Variants in SORCS3 observed in about 807,000 individuals in gnomAD.
SORCS3 encodes the protein sortilin related VPS10 domain containing receptor 3, also known as VPS10 domain-containing receptor SorCS3.
A neutral mutation model predicts 146.3 loss-of-function variants in SORCS3; 57 were observed. The observed-to-expected ratio is 0.39, with a 90% CI of 0.31 to 0.49. SORCS3 has a LOEUF of 0.49. Among genes scored for constraint, SORCS3 ranks in the 20% least tolerant of loss-of-function variants. The probability of loss-of-function intolerance (pLI) is 0.92; values close to 1 mark genes in which losing one functional copy is unlikely to be tolerated. For synonymous variants in SORCS3, 653 were observed against 618.5 expected, an observed-to-expected ratio of 1.06 and a Z score of -0.83; for missense variants, 1,341 against 1,575.5, an observed-to-expected ratio of 0.85 and a Z score of 2.52.
At chr10:104,976,316 A>G (rs1213570029) in intron 3 of SORCS3, among the ~76,000 whole-genome samples, 20 of 152,208 alleles carry the variant, frequency 1.3e-4, no homozygotes, top group Non-Finnish European at 7.3e-5. Flanking sequence ...AAAAATGCTC[A>G]CCATCACTGG....
intron 14 of SORCS3, among the ~76,000 whole-genome samples, chr10:105,183,932 T>A (rs1217002359): frequency 1.3e-5 from 2 of 152,174 alleles, no homozygotes; most frequent in Non-Finnish European, 2.9e-5. Flanking sequence ...CCAGGGAAAA[T>A]GCTCAGCTGG....
At chr10:105,247,671 C>T (rs1033902379) in intron 22 of SORCS3, among the ~76,000 whole-genome samples, 2 of 152,116 alleles carry the variant, frequency 1.3e-5, no homozygotes, top group Non-Finnish European at 2.9e-5. Flanking sequence ...TTGCTTGAAC[C>T]GGGGAGGTAG....
chr10:104,696,944 A>G (rs2016223382), intron 1 of SORCS3, among the ~76,000 whole-genome samples: 1 of 150,846 alleles, frequency 6.6e-6, no homozygotes, highest in East Asian at 1.9e-4. Context: ...AACTCATAGA[A>G]GCAGGGAGTA....
intron 2 of SORCS3, among the ~76,000 whole-genome samples, chr10:104,884,907 A>T (rs1480673070): frequency 6.6e-6 from 1 of 151,680 alleles, no homozygotes; most frequent in Non-Finnish European, 1.5e-5. Context: ...GACCTGGACT[A>T]GTTATTCTGC....
chr10:104,816,580 A>G (rs1465192814), intron 1 of SORCS3, among the ~76,000 whole-genome samples: 1 of 152,190 alleles, frequency 6.6e-6, no homozygotes, highest in Non-Finnish European at 1.5e-5. Flanking sequence ...CAAGTGCAGG[A>G]AGTTTGTGGT....
chr10:104,667,267 C>T (rs2015791816), intron 1 of SORCS3, among the ~76,000 whole-genome samples: 1 of 152,116 alleles, frequency 6.6e-6, no homozygotes, highest in Non-Finnish European at 1.5e-5. Flanking sequence ...CGTGCTGGGC[C>T]CCACAACCAA....
chr10:104,781,455 G>A (rs924824707), intron 1 of SORCS3, among the ~76,000 whole-genome samples: 1 of 152,206 alleles, frequency 6.6e-6, no homozygotes, highest in African/African-American at 2.4e-5. Context: ...GAGTGCATGA[G>A]GTAGGTTCAG....
At position 104,658,662 on chromosome 10, in the gene SORCS3, C is replaced by G. The variant is rs2015662032; in HGVS notation, c.627+16708C>G. On this transcript the variant is annotated intron_variant, in intron 1 of 26. Transcript: ENST00000369701. Reference sequence around the variant, plus strand: ...GAGCCACAGCACCTGGCCTCAAGTCCCCTTTCTTAATTGCCTTAACAGTGA... The same window carrying G: ...GAGCCACAGCACCTGGCCTCAAGTCGCCTTTCTTAATTGCCTTAACAGTGA... 2.0e-5 allele frequency among the ~76,000 whole-genome samples: 3 copies of G among 152,070 alleles called. No individual in the cohort carries two copies. In the South Asian group the frequency reaches 6.2e-4, roughly 32 times the overall value.
intron 4 of SORCS3, among the ~76,000 whole-genome samples, chr10:104,992,477 T>A (rs2055000283): frequency 6.6e-6 from 1 of 152,224 alleles, no homozygotes; most frequent in African/African-American, 2.4e-5. Flanking sequence ...ATCTCAGATG[T>A]GCCAGAAGTT....
intron 1 of SORCS3, among the ~76,000 whole-genome samples, chr10:104,740,067 A>G (rs2016822823): frequency 6.6e-6 from 1 of 152,358 alleles, no homozygotes. Context: ...TTTTGTTCAT[A>G]GAACGTATTT....
At chr10:104,717,860 G>C (rs2016497774) in intron 1 of SORCS3, among the ~76,000 whole-genome samples, 1 of 152,164 alleles carries the variant, frequency 6.6e-6, no homozygotes, top group African/African-American at 2.4e-5. Context: ...GTGTATTTGG[G>C]CCAGGCATGG....
At chr10:105,204,822 T>G (rs1434004135) in intron 16 of SORCS3, among the ~76,000 whole-genome samples, 1 of 152,214 alleles carries the variant, frequency 6.6e-6, no homozygotes, top group African/African-American at 2.4e-5. Context: ...ACAATGAGAC[T>G]GAATATTTGA....
intron 1 of SORCS3, among the ~76,000 whole-genome samples, chr10:104,642,363 C>T (rs2133231920): frequency 1.3e-5 from 2 of 151,742 alleles, no homozygotes; most frequent in Middle Eastern, 6.8e-3. Flanking sequence ...CTGCGGCTGC[C>T]GGGCTCCCCC....
At chr10:104,849,399 G>A (rs1006134867) in intron 2 of SORCS3, among the ~76,000 whole-genome samples, 4 of 113,804 alleles carry the variant, frequency 3.5e-5, no homozygotes, top group Non-Finnish European at 6.6e-5. Flanking sequence ...GCAACAGAGC[G>A]AGACTCCATC....
chr10:105,157,924 G>T (rs532462748), intron 10 of SORCS3, among the ~76,000 whole-genome samples: 1 of 152,302 alleles, frequency 6.6e-6, no homozygotes, highest in East Asian at 1.9e-4. Flanking sequence ...CCCAGAAATG[G>T]TTATGTTTCT....
intron 2 of SORCS3, among the ~76,000 whole-genome samples, chr10:104,860,510 G>A (rs1477444381): frequency 6.7e-6 from 1 of 149,296 alleles, no homozygotes; most frequent in Non-Finnish European, 1.5e-5. Flanking sequence ...CATGGCACAT[G>A]TATACACATG....
intron 21 of SORCS3, among the ~76,000 whole-genome samples, chr10:105,246,828 G>A (rs1302202270): frequency 1.3e-5 from 2 of 152,192 alleles, no homozygotes; most frequent in Non-Finnish European, 2.9e-5. Flanking sequence ...AATGGGTGAA[G>A]GGATTAAAGA....
intron 1 of SORCS3, among the ~76,000 whole-genome samples, chr10:104,832,035 A>G (rs1034468609): frequency 3.3e-5 from 5 of 152,188 alleles, no homozygotes; most frequent in Admixed American, 1.3e-4. Flanking sequence ...TGTCTTTTTC[A>G]GCTACCCATT....
intron 1 of SORCS3, among the ~76,000 whole-genome samples, chr10:104,787,346 AT>A (rs2017450688): frequency 6.6e-6 from 1 of 152,202 alleles, no homozygotes; most frequent in South Asian, 2.1e-4. Flanking sequence ...GGGCATAATA[AT>A]AATTTTGCAG....
Sources: gnomAD v4.1 joint callset for allele counts (sites outside exome capture counted in the v4.1 genomes callset) on GRCh38, gnomAD v4.1.1 for gene constraint, MANE v1.5 for transcripts, NCBI Gene and HGNC (gene_info 2026-07-23, HGNC 2026-07-21) for gene names.